Variants in OTOF observed in about 807,000 individuals in gnomAD.
The protein encoded by OTOF is fer-1-like family member 2.
A neutral mutation model predicts 236.8 loss-of-function variants in OTOF; 218 were observed. The ratio of observed to expected loss-of-function variants is 0.92; its 90% CI spans 0.82 to 1.03. OTOF has a LOEUF of 1.03. Ranked by LOEUF, OTOF falls within the 50% of genes least tolerant of loss-of-function variation. The pLI is 0.00. For missense variants in OTOF, 2,590 were observed against 2,694.4 expected (o/e 0.96, Z 0.86); for synonymous variants, 1,041 against 1,072.5 (o/e 0.97, Z 0.57).
intron 18 of OTOF, chr2:26,478,178 TG>T (rs1010565780): frequency 1.2e-5 from 6 of 508,440 alleles, no homozygotes; most frequent in African/African-American, 1.2e-4. Context: ...GGAGTGGCTC[TG>T]GCTCTGAGAG....
At chr2:26,472,060 ACATG>A (rs1180649174) in intron 30 of OTOF, among the ~76,000 whole-genome samples, 6 of 151,846 alleles carry the variant, frequency 4.0e-5, no homozygotes, top group Non-Finnish European at 4.4e-5. Flanking sequence ...TGCTCATACC[ACATG>A]CATGCATGCA....
In OTOF at chr2:26,466,792, G is replaced by A. The variant is rs767174554; in HGVS notation, c.4422C>T (p.Tyr1474=). The A allele has an allele frequency of 1.1e-5, 18 of 1,614,120 alleles. No individual in the cohort carries two copies. The highest frequency in any genetic ancestry group is 6.7e-5 in the East Asian group (3 of 44,898). Residue 1474 remains tyrosine, a synonymous_variant, in exon 36 of 47, where the codon TAC becomes TAT. Transcript: ENST00000272371. ...CCTGGAACATGCCGTAGGTGGAGTC[G>A]TAGCCGGCTTCCCGGGACACGTCCT... The part of the protein sequence containing the change: ...LPEDVSREAG[Y]DSTYGMFQGI...
chr2:26,477,292 C>T lies in OTOF; in HGVS notation c.2407-4G>A, dbSNP rs1168314758. 12 of 1,608,584 alleles carry T rather than the reference C, an allele frequency of 7.5e-6. No individual in the cohort carries two copies. Among genetic ancestry groups the T allele is most frequent in the East Asian group, 6.7e-5 (3 of 44,782 alleles). On this transcript the variant is annotated splice_polypyrimidine_tract_variant and splice_region_variant and intron_variant, in intron 20 of 46. Coordinates refer to ENST00000272371, the MANE Select transcript of OTOF (RefSeq NM_194248.3). The surrounding 1 kb of genome is among the most constrained non-coding windows in gnomAD (Gnocchi z 4.7). ...TGGCCTGCTGCCCCATGTTTTCCTG[C>T]GAAGGAGGGGGTGTCAGTGAACCCA...
chr2:26,461,620 C>A lies in OTOF; in HGVS notation c.5533+76G>T. 1.3e-6 allele frequency: 2 copies of A among 1,590,840 alleles called. No individual in the cohort carries two copies. The highest frequency in any genetic ancestry group is 2.2e-5 in the South Asian group (2 of 90,524). On this transcript the variant is annotated intron_variant, in intron 43 of 46. Coordinates refer to ENST00000272371, the MANE Select transcript of OTOF (RefSeq NM_194248.3). This position sits in a 1 kb window ranked among gnomAD's most constrained non-coding sequence, Gnocchi z 6.2. ...CCTTGTCCCCCCAAGGCAGGGCTCTCCCTGTCCCCGCCAACCCGGCCCCTG... is the reference window on the plus strand; with the variant it reads ...CCTTGTCCCCCCAAGGCAGGGCTCTACCTGTCCCCGCCAACCCGGCCCCTG...
chr2:26,490,422 T>C (rs1408548277), intron 9 of OTOF, among the ~76,000 whole-genome samples: 1 of 152,186 alleles, frequency 6.6e-6, no homozygotes, highest in African/African-American at 2.4e-5. Flanking sequence ...GTGTGCACTG[T>C]CCTTTGGTGC....
At chr2:26,557,864 G>T (rs949253020) in intron 1 of OTOF, among the ~76,000 whole-genome samples, 1 of 151,654 alleles carries the variant, frequency 6.6e-6, no homozygotes, top group Non-Finnish European at 1.5e-5. Flanking sequence ...GCTGGGTTGT[G>T]CTCAGCTCTG....
At chr2:26,547,695 G>T (rs1348175642) in intron 1 of OTOF, among the ~76,000 whole-genome samples, 1 of 152,130 alleles carries the variant, frequency 6.6e-6, no homozygotes, top group African/African-American at 2.4e-5. Flanking sequence ...AATTAGCCGG[G>T]CGTGGTGGCA....
At chr2:26,532,481 A>C (rs889450322) in intron 2 of OTOF, among the ~76,000 whole-genome samples, 1 of 152,202 alleles carries the variant, frequency 6.6e-6, no homozygotes, top group African/African-American at 2.4e-5. Flanking sequence ...TTTGCTGAGC[A>C]CTTGCTGTGT....
chr2:26,506,404 T>A (rs1386178585), intron 5 of OTOF, among the ~76,000 whole-genome samples: 1 of 152,194 alleles, frequency 6.6e-6, no homozygotes, highest in Non-Finnish European at 1.5e-5. Context: ...GACTTCCCTC[T>A]CCCCTGCCCC....
intron 8 of OTOF, among the ~76,000 whole-genome samples, chr2:26,499,297 G>A (rs1351082536): frequency 1.3e-5 from 2 of 152,006 alleles, no homozygotes; most frequent in East Asian, 1.9e-4. Flanking sequence ...TGGGTACGCC[G>A]CGGTCCTTTT....
intron 11 of OTOF, 149 bp downstream of exon 11, chr2:26,489,062 G>A (rs748768298): frequency 9.8e-5 from 69 of 706,626 alleles, no homozygotes; most frequent in African/African-American, 1.4e-4. Flanking sequence ...CCACTTCTCC[G>A]CAGGCCAGAT....
chr2:26,487,534 C>A (rs1337208362), intron 11 of OTOF, among the ~76,000 whole-genome samples: 1 of 152,170 alleles, frequency 6.6e-6, no homozygotes, highest in Non-Finnish European at 1.5e-5. Context: ...TATATGGGGT[C>A]GTGAGGGTGA....
chr2:26,471,014 C>T lies in OTOF; in HGVS notation c.3894+107G>A, dbSNP rs191308930. On this transcript the variant is annotated intron_variant, in intron 31 of 46. Coordinates refer to ENST00000272371, the MANE Select transcript of OTOF (RefSeq NM_194248.3). ...GGGGAGGTGTGCTGGCCCAAGCATG[C>T]GGGGGCTGGGGCTGGCTCTGTCCCT... The T allele has an allele frequency of 2.2e-4, 312 of 1,416,700 alleles. 2 individuals carry two copies. In the African/African-American group the frequency reaches 3.3e-3, roughly 15 times the overall value. 87.8% of individuals were successfully genotyped at this position (1,416,700 alleles called of 1,614,324 possible).
intron 14 of OTOF, among the ~76,000 whole-genome samples, chr2:26,482,147 C>T (rs978002222): frequency 5.9e-5 from 9 of 152,168 alleles, no homozygotes; most frequent in Non-Finnish European, 1.0e-4. Context: ...ATTATTTTCA[C>T]TTTACAAATG....
chr2:26,471,365 G>A (rs1350623146), intron 30 of OTOF, among the ~76,000 whole-genome samples: 2 of 152,200 alleles, frequency 1.3e-5, no homozygotes, highest in Admixed American at 6.5e-5. Context: ...GGTGGCCAAA[G>A]GAACAGTGGG....
Position 26,465,737 on chromosome 2 carries a change from G to C in OTOF, c.4734C>G (p.Ile1578Met). ...GTDDLIGETKIDLENRFYSKH... is the reference protein window; with the variant it reads ...GTDDLIGETKMDLENRFYSKH... ...TGCTGTAGAAGCGGTTCTCCAGGTC[G>C]ATCTTGGTTTCCCCAATGAGGTCAT... The change falls in exon 38 of 47, where the codon ATC becomes ATG. Residue 1578 changes from isoleucine (I) to methionine (M), a missense_variant. Ile to Met is a conservative substitution (Grantham distance 10). This residue lies in a region of OTOF where 1,211 missense variants were observed against 1,352.8 expected (regional missense o/e 0.90). Coordinates refer to ENST00000272371, the MANE Select transcript of OTOF (RefSeq NM_194248.3). 1 of 1,614,256 alleles carries C rather than the reference G, an allele frequency of 6.2e-7. No individual in the cohort carries two copies. The highest frequency in any genetic ancestry group is 1.1e-5 in the South Asian group (1 of 91,090).
intron 2 of OTOF, among the ~76,000 whole-genome samples, chr2:26,533,698 T>G (rs1403472402): frequency 6.6e-6 from 1 of 152,184 alleles, no homozygotes. Context: ...AAGGGCTTGA[T>G]GTACCACTAG....
intron 11 of OTOF, among the ~76,000 whole-genome samples, chr2:26,486,363 T>C (rs992682450): frequency 6.6e-6 from 1 of 150,534 alleles, no homozygotes; most frequent in Admixed American, 6.6e-5. Flanking sequence ...AATGGATATA[T>C]GGATTGGTGC....
In OTOF at chr2:26,558,551, G is replaced by T. The variant is rs545316807; in HGVS notation, c.21C>A (p.Leu7=). 41 of 1,613,840 alleles carry T rather than the reference G, an allele frequency of 2.5e-5. No homozygotes were observed. The highest frequency in any genetic ancestry group is 3.4e-5 in the Non-Finnish European group (40 of 1,179,960). The change falls in exon 1 of 47, where the codon CTC becomes CTA. Residue 7 remains leucine (L), a synonymous_variant. Coordinates refer to ENST00000272371, the MANE Select transcript of OTOF (RefSeq NM_194248.3). The stretch of plus-strand genomic sequence containing the variant: ...TGCCCCGCAGCTCCGAGACTGTCTT[G>T]AGGTGGATGAGCAAGGCCATGCTGG... The part of the protein sequence containing the change: MALLIH[L]KTVSELRGRG...
Sources: allele counts gnomAD v4.1 joint callset (sites outside exome capture counted in the v4.1 genomes callset), GRCh38; gene constraint gnomAD v4.1.1; regional missense constraint gnomAD v4.1.1; non-coding constraint Gnocchi (gnomAD v3.1); transcripts MANE v1.5; gene names NCBI Gene and HGNC (gene_info 2026-07-23, HGNC 2026-07-21).